Variants in HSBP1L1 observed in about 807,000 individuals in gnomAD.
The protein encoded by HSBP1L1 is heat shock factor-binding protein 1-like protein 1.
HSBP1L1 carries 8 observed loss-of-function variants against 9.7 expected under a neutral mutation model. The ratio of observed to expected loss-of-function variants is 0.82; its 90% CI spans 0.48 to 1.48. HSBP1L1 has a LOEUF of 1.48. HSBP1L1 is among the 40% of genes most tolerant of loss of function. HSBP1L1 has a pLI of 0.00. For missense variants in HSBP1L1, 106 were observed against 95.8 expected (o/e 1.11, Z -0.44); for synonymous variants, 39 against 34.4 (o/e 1.13, Z -0.46).
intron 1 of HSBP1L1, 58 bp downstream of exon 1, chr18:79,964,844 G>A: frequency 3.0e-6 from 1 of 328,040 alleles, no homozygotes; most frequent in Non-Finnish European, 4.9e-6. Context: ...GCGGTTCTGG[G>A]GGGTTTTGAG....
At position 79,970,475 on chromosome 18, in the gene HSBP1L1, A is replaced by G; in HGVS notation, c.*24A>G. The G allele has an allele frequency of 1.4e-6, 1 of 718,426 alleles. No homozygotes were observed. The highest frequency in any genetic ancestry group is 2.6e-6 in the Non-Finnish European group (1 of 385,012). The allele number at this position is 718,426 out of a possible 1,614,324, so 44.5% of individuals were successfully genotyped here. On this transcript the variant is annotated 3_prime_UTR_variant, in exon 4 of 4. Transcript: ENST00000451882. Reference sequence around the variant, plus strand: ...AACTGCAGCATGTCTGTATTTGGAGATGGGGCCTCTACAGAAGTCATTAAG... The same window carrying G: ...AACTGCAGCATGTCTGTATTTGGAGGTGGGGCCTCTACAGAAGTCATTAAG...
intron 1 of HSBP1L1, among the ~76,000 whole-genome samples, chr18:79,965,796 C>T (rs1009563197): frequency 2.6e-5 from 4 of 152,152 alleles, no homozygotes; most frequent in Non-Finnish European, 2.9e-5. Context: ...GGGTCCCTGC[C>T]CCGTCTGCAC....
At chr18:79,966,944 G>C (rs9962647) in intron 2 of HSBP1L1, 260,639 of 321,948 alleles carry the variant, frequency 0.81, 106,685 homozygotes, top group East Asian at 0.89. Flanking sequence ...GTCAGGAGAT[G>C]GAGACCATCC....
Position 79,964,760 on chromosome 18 carries a change from C to T in HSBP1L1, c.25C>T (p.Pro9Ser), listed in dbSNP as rs1218217397. 45 of 1,414,018 alleles carry T rather than the reference C, an allele frequency of 3.2e-5. No homozygotes were observed. Among genetic ancestry groups the T allele is most frequent in the Non-Finnish European group, 3.8e-5 (41 of 1,085,796 alleles). 87.6% of individuals were successfully genotyped at this position (1,414,018 alleles called of 1,614,324 possible). A position where few individuals can be genotyped will look rare whatever the true frequency, so the allele number is the denominator to read the frequency against. ...CATGGACGTGCGGGGCCCTGAAGCC[C>T]CCGGCGGGCGCGCGCTGCGGGACGC... The part of the protein sequence containing the change: MDVRGPEA[P>S]GGRALRDAAE... The change falls in exon 1 of 4, where the codon CCC becomes TCC. Residue 9 changes from proline to serine, a missense_variant. Coordinates refer to ENST00000451882, the MANE Select transcript of HSBP1L1 (RefSeq NM_001136180.2).
In HSBP1L1 at chr18:79,970,599, C is replaced by T. The variant is rs576708747; in HGVS notation, c.*148C>T. The T allele has an allele frequency of 7.9e-5, 50 of 634,458 alleles. No homozygotes were observed. In the South Asian group the frequency reaches 8.2e-4, roughly 10 times the overall value. 39.3% of individuals were successfully genotyped at this position (634,458 alleles called of 1,614,324 possible). A position where few individuals can be genotyped will look rare whatever the true frequency, so the allele number is the denominator to read the frequency against. ...CCTGCTCTCCCCTCCGTGCCTGCACCAGAGAAGGAGGCCATCGGCAAGCCA... is the reference window on the plus strand; with the variant it reads ...CCTGCTCTCCCCTCCGTGCCTGCACTAGAGAAGGAGGCCATCGGCAAGCCA... On this transcript the variant is annotated 3_prime_UTR_variant, in exon 4 of 4. Transcript: ENST00000451882.
Position 79,969,277 on chromosome 18 carries a change from AGGGAGGGAGG to A in HSBP1L1, c.213+1096_213+1105del, listed in dbSNP as rs2051275514. 2.4e-4 allele frequency among the ~76,000 whole-genome samples: 5 copies of A among 20,568 alleles called. 1 individual carries two copies. The highest frequency in any genetic ancestry group is 6.0e-4 in the Admixed American group (1 of 1,660). The allele number at this position is 20,568 out of a possible 152,430, so 13.5% of individuals were successfully genotyped here. The stretch of plus-strand genomic sequence containing the variant: ...GAGAGAGAGAGGGAGGGAGGGAGGG[AGGGAGGGAGG>A]GAGGGAGGGAGAGAGAGAGAGAAAG... On this transcript the variant is annotated intron_variant, in intron 3 of 3. Transcript: ENST00000451882.
At chr18:79,966,502 C>T (rs1405523514) in intron 1 of HSBP1L1, 110 bp from the exon 2 acceptor site, 3 of 712,960 alleles carry the variant, frequency 4.2e-6, no homozygotes, top group African/African-American at 3.6e-5. Flanking sequence ...GAGATCGCGC[C>T]ATTGCACTCC....
chr18:79,967,809 T>C (rs997411067), intron 2 of HSBP1L1: 1 of 311,098 alleles, frequency 3.2e-6, no homozygotes, highest in Non-Finnish European at 5.9e-6. Flanking sequence ...TATTTTTACA[T>C]ACCCAGAGTT....
chr18:79,969,331 A>AAAAGAAAGAAAGAAAAGAAAGAAAG (rs2051278496), intron 3 of HSBP1L1, among the ~76,000 whole-genome samples: 1 of 71,976 alleles, frequency 1.4e-5, no homozygotes, highest in Non-Finnish European at 2.6e-5. Context: ...GAAAGAAAGA[A>AAAAGAAAGAAAGAAAAGAAAGAAAG]AAAGAAAGAA....
chr18:79,966,843 A>C, intron 2 of HSBP1L1, 165 bp downstream of exon 2: 1 of 580,606 alleles, frequency 1.7e-6, no homozygotes, highest in Non-Finnish European at 3.1e-6. Context: ...ATTACCCCTC[A>C]CCTATAGCAA....
chr18:79,966,884 C>T (rs1022945428), intron 2 of HSBP1L1: 6 of 480,480 alleles, frequency 1.2e-5, no homozygotes, highest in African/African-American at 9.9e-5. Context: ...TGCAGTGGCT[C>T]ACGCCTGTAA....
chr18:79,969,287 G>A (rs183175900), intron 3 of HSBP1L1, among the ~76,000 whole-genome samples: 29 of 22,368 alleles, frequency 1.3e-3, no homozygotes, highest in South Asian at 3.1e-3. Flanking sequence ...AGGGAGGGAG[G>A]GAGGGAGGGA....
rs1327811770 is a variant in HSBP1L1, at chr18:79,969,326, A to G, written c.214-1114A>G. The stretch of plus-strand genomic sequence containing the variant: ...AGAGAGAGAAAGGAAAGAAAGAAAG[A>G]AAGAAAAAGAAAGAAAGAAAGAAAG... On this transcript the variant is annotated intron_variant, in intron 3 of 3. Transcript: ENST00000451882. Among the ~76,000 whole-genome samples the G allele has an allele frequency of 3.4e-4, 37 of 109,082 alleles. 4 individuals are homozygous for G. Among genetic ancestry groups the G allele is most frequent in the Non-Finnish European group, 6.2e-4 (33 of 53,554 alleles). The allele number at this position is 109,082 out of a possible 152,430, so 71.6% of individuals were successfully genotyped here.
rs1239781130 is a variant in HSBP1L1 at position 79,969,312 on chromosome 18, G to GAAAGAAAGAAAGAAAAA, written c.214-1128_214-1127insAAAGAAAGAAAGAAAAA. On this transcript the variant is annotated intron_variant, in intron 3 of 3. Coordinates refer to ENST00000451882, the MANE Select transcript of HSBP1L1 (RefSeq NM_001136180.2). ...GGAGGGAGGGAGAGAGAGAGAGAAA[G>GAAAGAAAGAAAGAAAAA]GAAAGAAAGAAAGAAAGAAAAAGAA... Among the ~76,000 whole-genome samples the GAAAGAAAGAAAGAAAAA allele has an allele frequency of 2.0e-3, 96 of 47,104 alleles. 8 individuals are homozygous for GAAAGAAAGAAAGAAAAA. In the East Asian group the frequency reaches 0.03, roughly 15 times the overall value. The allele number at this position is 47,104 out of a possible 152,430, so 30.9% of individuals were successfully genotyped here.
In HSBP1L1 at chr18:79,964,709, C is replaced by A. The variant is rs1236739179; in HGVS notation, c.-27C>A. On this transcript the variant is annotated 5_prime_UTR_variant, in exon 1 of 4. Transcript: ENST00000451882. ...GGTCCGCGCGGCCCACGGGACCCCC[C>A]ACTGACGCCCCCGGCCAGCGGTCCA... 5.1e-6 allele frequency: 7 copies of A among 1,371,262 alleles called. No homozygotes were observed. Among genetic ancestry groups the A allele is most frequent in the Non-Finnish European group, 6.7e-6 (7 of 1,048,240 alleles). The allele number at this position is 1,371,262 out of a possible 1,614,324, so 84.9% of individuals were successfully genotyped here.
chr18:79,964,792 C>A lies in HSBP1L1; in HGVS notation c.51+6C>A. On this transcript the variant is annotated splice_donor_region_variant and intron_variant, in intron 1 of 3. Coordinates refer to ENST00000451882, the MANE Select transcript of HSBP1L1 (RefSeq NM_001136180.2). The stretch of plus-strand genomic sequence containing the variant: ...GGCGCGCGCTGCGGGACGCGGTGAG[C>A]CCCTCCCCGACTCCTGCTTCTCTCT... The A allele has an allele frequency of 7.2e-7, 1 of 1,387,414 alleles. No individual in the cohort carries two copies. Among genetic ancestry groups the A allele is most frequent in the Non-Finnish European group, 9.4e-7 (1 of 1,068,518 alleles). 85.9% of individuals were successfully genotyped at this position (1,387,414 alleles called of 1,614,324 possible). A position where few individuals can be genotyped will look rare whatever the true frequency, so the allele number is the denominator to read the frequency against.
intron 3 of HSBP1L1, among the ~76,000 whole-genome samples, chr18:79,969,317 GA>G (rs1390574065): frequency 9.5e-6 from 1 of 105,056 alleles, no homozygotes; most frequent in Non-Finnish European, 1.9e-5. Flanking sequence ...AGAAAGGAAA[GA>G]AAGAAAGAAA....
In HSBP1L1 at chr18:79,969,381, AAG is replaced by A. The variant is rs375519314; in HGVS notation, c.214-1057_214-1056del. 4.0e-3 allele frequency among the ~76,000 whole-genome samples: 223 copies of A among 55,700 alleles called. 5 individuals are homozygous for A. The highest frequency in any genetic ancestry group is 9.9e-3 in the African/African-American group (209 of 21,068). The allele number at this position is 55,700 out of a possible 152,430, so 36.5% of individuals were successfully genotyped here. A position where few individuals can be genotyped will look rare whatever the true frequency, so the allele number is the denominator to read the frequency against. On this transcript the variant is annotated intron_variant, in intron 3 of 3. Coordinates refer to ENST00000451882, the MANE Select transcript of HSBP1L1 (RefSeq NM_001136180.2). ...AAAGAAAGAAAGAAAGAAAGAAAGA[AAG>A]AAAGAAAGAAAAAAAAACGATGCAG...
chr18:79,968,303 T>A, intron 3 of HSBP1L1, 120 bp downstream of exon 3: 1 of 630,416 alleles, frequency 1.6e-6, no homozygotes, highest in Middle Eastern at 2.7e-4. Context: ...GCATGAAAAC[T>A]GCTCAGGAAT....
Sources: allele counts gnomAD v4.1 joint callset (sites outside exome capture counted in the v4.1 genomes callset), GRCh38; gene constraint gnomAD v4.1.1; transcripts MANE v1.5; gene names NCBI Gene and HGNC (gene_info 2026-07-23, HGNC 2026-07-21).